EYS: variants seen among roughly 807,000 people sequenced by gnomAD.
The protein encoded by EYS is protein eyes shut homolog.
In EYS, 250 loss-of-function variants were observed where a neutral mutation model predicts 282.1. That is an observed-to-expected ratio of 0.89 (90% CI 0.80 to 0.98). The LOEUF (loss-of-function observed/expected upper bound fraction) is 0.98. Ranked by LOEUF, EYS falls within the 50% of genes least tolerant of loss-of-function variation. EYS has a pLI of 0.00. For synonymous variants in EYS, 1,355 were observed against 1,282.9 expected (o/e 1.06, Z -1.20); for missense variants, 4,016 against 3,709.0 (o/e 1.08, Z -2.15).
intron 16 of EYS, among the ~76,000 whole-genome samples, chr6:64,903,826 C>A (rs1767741588): frequency 6.6e-6 from 1 of 152,098 alleles, no homozygotes. Context: ...TGCAAACCTG[C>A]CTCCCGTTGC....
intron 2 of EYS, among the ~76,000 whole-genome samples, chr6:65,510,071 G>C (rs1055239973): frequency 6.7e-6 from 1 of 149,564 alleles, no homozygotes; most frequent in African/African-American, 2.5e-5. Context: ...TGCACAATGT[G>C]CAGGTTAGTT....
At chr6:63,901,698 A>G (rs867257097) in intron 35 of EYS, among the ~76,000 whole-genome samples, 76 of 152,346 alleles carry the variant, frequency 5.0e-4, no homozygotes, top group African/African-American at 1.8e-3. Flanking sequence ...AATGGAAGCC[A>G]GTCAGCACTG....
At chr6:65,353,046 C>T (rs192843832) in intron 9 of EYS, among the ~76,000 whole-genome samples, 57 of 152,082 alleles carry the variant, frequency 3.7e-4, no homozygotes, top group Middle Eastern at 3.4e-3. Context: ...AACTCAATAT[C>T]TCAATTGCCC....
chr6:63,905,575 C>T (rs1031090403), intron 35 of EYS, among the ~76,000 whole-genome samples: 7 of 152,086 alleles, frequency 4.6e-5, no homozygotes, highest in African/African-American at 1.4e-4. Context: ...CGTGATCCAC[C>T]CGCCTCTGCC....
intron 36 of EYS, among the ~76,000 whole-genome samples, chr6:63,820,355 A>G (rs941875023): frequency 1.3e-5 from 2 of 152,188 alleles, no homozygotes; most frequent in African/African-American, 4.8e-5. Flanking sequence ...CTCTTTGAAT[A>G]TTATGTTAAT....
intron 30 of EYS, among the ~76,000 whole-genome samples, chr6:64,246,227 A>G (rs1478170032): frequency 7.3e-6 from 1 of 137,804 alleles, no homozygotes; most frequent in Non-Finnish European, 1.6e-5. Context: ...TTTCTGTTTT[A>G]TCGGCTGTAA....
At chr6:65,232,577 T>C (rs1048709108) in intron 12 of EYS, among the ~76,000 whole-genome samples, 8 of 152,142 alleles carry the variant, frequency 5.3e-5, no homozygotes, top group Non-Finnish European at 1.2e-4. Context: ...AGTTCCCATA[T>C]ACCCCTCACC....
intron 30 of EYS, among the ~76,000 whole-genome samples, chr6:64,277,598 A>G (rs994288033): frequency 6.6e-6 from 1 of 152,166 alleles, no homozygotes; most frequent in African/African-American, 2.4e-5. Context: ...AGAATCCAGA[A>G]AGAAAGTATA....
chr6:64,439,413 A>C (rs1284814422), intron 26 of EYS, 61 bp from the exon 27 acceptor site: 1 of 1,079,408 alleles, frequency 9.3e-7, no homozygotes. Flanking sequence ...CCTAGGTTTC[A>C]CATTATTAAC....
At chr6:64,014,366 T>C (rs921163301) in intron 33 of EYS, among the ~76,000 whole-genome samples, 2 of 151,882 alleles carry the variant, frequency 1.3e-5, no homozygotes, top group Admixed American at 6.6e-5. Context: ...ATTAAGTATG[T>C]AGTTTTTTTG....
chr6:63,778,285 T>G (rs1770118505), intron 39 of EYS, 105 bp from the exon 40 acceptor site: 1 of 1,157,684 alleles, frequency 8.6e-7, no homozygotes, highest in East Asian at 2.6e-5. Flanking sequence ...CAAAATAAAG[T>G]AATACATGTA....
chr6:64,323,357 A>C (rs1770288884), intron 29 of EYS, among the ~76,000 whole-genome samples: 1 of 151,940 alleles, frequency 6.6e-6, no homozygotes, highest in Non-Finnish European at 1.5e-5. Context: ...TCAGTATTTC[A>C]CCCCTTTTAA....
intron 2 of EYS, among the ~76,000 whole-genome samples, chr6:65,548,667 C>T (rs1023869224): frequency 3.9e-5 from 6 of 152,112 alleles, no homozygotes; most frequent in African/African-American, 1.2e-4. Context: ...AATTTGAACC[C>T]GATGATCTAA....
At chr6:64,456,318 G>T (rs1378896752) in intron 26 of EYS, among the ~76,000 whole-genome samples, 1 of 151,914 alleles carries the variant, frequency 6.6e-6, no homozygotes, top group African/African-American at 2.4e-5. Context: ...ATATTAATTT[G>T]GTACCTTAAT....
At chr6:64,639,908 T>C (rs1317726255) in intron 22 of EYS, among the ~76,000 whole-genome samples, 1 of 127,690 alleles carries the variant, frequency 7.8e-6, no homozygotes, top group Non-Finnish European at 1.7e-5. Context: ...GGGCAAAGGA[T>C]ATGAACAGAC....
At chr6:64,735,327 C>G (rs989920428) in intron 22 of EYS, among the ~76,000 whole-genome samples, 4 of 152,294 alleles carry the variant, frequency 2.6e-5, no homozygotes, top group African/African-American at 9.6e-5. Context: ...TCGTGATCAG[C>G]CTGCCTTGGC....
intron 22 of EYS, among the ~76,000 whole-genome samples, chr6:64,635,804 C>T (rs1767956492): frequency 6.6e-6 from 1 of 152,106 alleles, no homozygotes; most frequent in African/African-American, 2.4e-5. Context: ...TGTGTCTCTG[C>T]CAGGCTTTGG....
At chr6:65,210,844 A>G (rs1367255500) in intron 12 of EYS, among the ~76,000 whole-genome samples, 1 of 151,942 alleles carries the variant, frequency 6.6e-6, no homozygotes, top group Non-Finnish European at 1.5e-5. Flanking sequence ...TAAATATTTT[A>G]TAATTCTTGA....
Position 63,737,564 on chromosome 6 carries a change from C to G in EYS, c.8072-10884G>C, listed in dbSNP as rs532555929. Among the ~76,000 whole-genome samples, 8 of 152,108 alleles carry G rather than the reference C, an allele frequency of 5.3e-5. No homozygotes were observed. The East Asian group carries it at 1.4e-3, about 26-fold the overall frequency. ...CTAAAATTCTCTTTTTTGGTTGTGT[C>G]CCTGCCCGGCTTTGGTATCAGGATG... On this transcript the variant is annotated intron_variant, in intron 41 of 42. Transcript: ENST00000503581.
Sources: gnomAD v4.1 joint callset for allele counts (sites outside exome capture counted in the v4.1 genomes callset) on GRCh38, gnomAD v4.1.1 for gene constraint, MANE v1.5 for transcripts, NCBI Gene and HGNC (gene_info 2026-07-23, HGNC 2026-07-21) for gene names.